The following FOXN3 variants were observed in gnomAD, a reference collection of about 807,000 sequenced individuals.
FOXN3 encodes the protein forkhead box protein N3.
Under a neutral mutation model 38.4 loss-of-function variants are expected in FOXN3, and 7 were observed. The observed-to-expected ratio is 0.18, with a 90% CI of 0.10 to 0.34. The LOEUF is 0.34. Among genes scored for constraint, FOXN3 ranks in the 10% least tolerant of loss-of-function variants. The pLI is 1.00. For synonymous variants in FOXN3, 230 were observed against 242.2 expected, an observed-to-expected ratio of 0.95 and a Z score of 0.47; for missense variants, 456 against 613.4, an observed-to-expected ratio of 0.74 and a Z score of 2.71.
intron 4 of FOXN3, among the ~76,000 whole-genome samples, chr14:89,193,679 A>C (rs1888024278): frequency 6.6e-6 from 1 of 152,210 alleles, no homozygotes; most frequent in South Asian, 2.1e-4. Context: ...GGATATGATA[A>C]AAAAGCTGCT....
At chr14:89,302,898 T>C (rs59077049) in intron 3 of FOXN3, among the ~76,000 whole-genome samples, 17,077 of 152,242 alleles carry the variant, frequency 0.11, 1,054 homozygotes, top group East Asian at 0.21. Flanking sequence ...CAGCTTAGCC[T>C]TTCCAGGGAG....
intron 2 of FOXN3, among the ~76,000 whole-genome samples, chr14:89,378,629 C>CA (rs200268431): frequency 0.012 from 1,796 of 145,742 alleles, 49 homozygotes; most frequent in African/African-American, 0.043. Context: ...CCTTTTGGAA[C>CA]AAAAAAAATG....
intron 1 of FOXN3, among the ~76,000 whole-genome samples, chr14:89,423,538 G>A (rs1327968804): frequency 1.3e-5 from 2 of 151,880 alleles, no homozygotes; most frequent in Non-Finnish European, 2.9e-5. Context: ...TGAAAACAGG[G>A]TTAATATTTT....
chr14:89,465,868 T>C (rs1467870564), intron 1 of FOXN3, among the ~76,000 whole-genome samples: 2 of 152,262 alleles, frequency 1.3e-5, no homozygotes, highest in African/African-American at 4.8e-5. Context: ...GATTGTATTG[T>C]AAAATTAATT....
intron 4 of FOXN3, among the ~76,000 whole-genome samples, chr14:89,217,544 C>T (rs1028857916): frequency 3.0e-4 from 45 of 152,192 alleles, no homozygotes; most frequent in African/African-American, 1.0e-3. Context: ...GGTTCTAATT[C>T]GCCATTTCAT....
At chr14:89,265,977 G>C (rs1885967867) in intron 4 of FOXN3, among the ~76,000 whole-genome samples, 1 of 152,094 alleles carries the variant, frequency 6.6e-6, no homozygotes, top group South Asian at 2.1e-4. Context: ...AGGAGTGCAG[G>C]GTGGGACACA....
At chr14:89,546,329 C>CTTTTTTTTTCTTTTTTTTTTT (rs1894880091) in intron 1 of FOXN3, among the ~76,000 whole-genome samples, 1 of 78,312 alleles carries the variant, frequency 1.3e-5, no homozygotes, top group Non-Finnish European at 2.3e-5. Context: ...TTTCCTTTTT[C>CTTTTTTTTTCTTTTTTTTTTT]TTTTTTTTTT....
At chr14:89,515,957 C>T (rs1207993950) in intron 1 of FOXN3, among the ~76,000 whole-genome samples, 1 of 152,158 alleles carries the variant, frequency 6.6e-6, no homozygotes, top group African/African-American at 2.4e-5. Context: ...CAGATGTTCT[C>T]CTCATCTCTG....
upstream of FOXN3, chr14:89,417,890 C>G: frequency 2.7e-6 from 1 of 369,626 alleles, no homozygotes; most frequent in Non-Finnish European, 5.6e-6. Flanking sequence ...CTAAAGGCCA[C>G]GCCGGTGGGG....
intron 1 of FOXN3, among the ~76,000 whole-genome samples, chr14:89,497,858 G>A (rs76582645): frequency 0.01 from 1,535 of 152,132 alleles, 27 homozygotes; most frequent in African/African-American, 0.034. Context: ...TTCCTACAGC[G>A]GTGTCCAAGG....
At chr14:89,552,261 T>C (rs914588708) in intron 1 of FOXN3, among the ~76,000 whole-genome samples, 3 of 152,198 alleles carry the variant, frequency 2.0e-5, no homozygotes, top group Non-Finnish European at 4.4e-5. Flanking sequence ...TTTACTGAAG[T>C]GGGGCCAGAA....
chr14:89,506,665 C>T (rs1399927978), intron 1 of FOXN3, among the ~76,000 whole-genome samples: 4 of 152,086 alleles, frequency 2.6e-5, no homozygotes, highest in African/African-American at 9.7e-5. Flanking sequence ...ATAACAATCG[C>T]GGTTTTGTGG....
At chr14:89,587,989 T>C (rs531810716) in intron 1 of FOXN3, among the ~76,000 whole-genome samples, 1 of 151,890 alleles carries the variant, frequency 6.6e-6, no homozygotes, top group Non-Finnish European at 1.5e-5. Flanking sequence ...CTGTGTCCCC[T>C]CTAAATCTCA....
intron 4 of FOXN3, among the ~76,000 whole-genome samples, chr14:89,255,911 A>G (rs1885604585): frequency 6.6e-6 from 1 of 152,126 alleles, no homozygotes; most frequent in African/African-American, 2.4e-5. Context: ...ACCAGCCTCC[A>G]GTGGCTCTCA....
intron 4 of FOXN3, among the ~76,000 whole-genome samples, chr14:89,204,098 CACACAA>C (rs1888314256): frequency 8.1e-6 from 1 of 123,526 alleles, no homozygotes; most frequent in Non-Finnish European, 1.7e-5. Flanking sequence ...CACACACACA[CACACAA>C]CTACTACTAC....
At chr14:89,486,847 C>T (rs143340163) in intron 1 of FOXN3, among the ~76,000 whole-genome samples, 2 of 152,284 alleles carry the variant, frequency 1.3e-5, no homozygotes, top group African/African-American at 2.4e-5. Flanking sequence ...GGATCTTTCA[C>T]GATGGAGTGT....
chr14:89,204,601 G>A (rs769827478), intron 4 of FOXN3, among the ~76,000 whole-genome samples: 6 of 152,064 alleles, frequency 3.9e-5, no homozygotes, highest in Non-Finnish European at 5.9e-5. Flanking sequence ...AAAACAAAGC[G>A]CCAAAAAAGC....
At chr14:89,337,693 A>G (rs1596194340) in intron 3 of FOXN3, among the ~76,000 whole-genome samples, 1 of 150,300 alleles carries the variant, frequency 6.7e-6, no homozygotes, top group Non-Finnish European at 1.5e-5. Context: ...GCAGTGGCAC[A>G]ATCTCAGCTC....
intron 2 of FOXN3, among the ~76,000 whole-genome samples, chr14:89,369,231 T>A (rs1389720396): frequency 1.3e-5 from 2 of 152,172 alleles, no homozygotes; most frequent in African/African-American, 4.8e-5. Context: ...CATAAGAAAT[T>A]TTTAACTCAC....
Sources: allele counts gnomAD v4.1 joint callset (sites outside exome capture counted in the v4.1 genomes callset), GRCh38; gene constraint gnomAD v4.1.1; transcripts MANE v1.5; gene names NCBI Gene and HGNC (gene_info 2026-07-23, HGNC 2026-07-21).